The following DGLUCY variants were observed in gnomAD, a reference collection of about 807,000 sequenced individuals.
DGLUCY encodes the protein D-glutamate cyclase, also known as D-glutamate cyclase, mitochondrial.
In DGLUCY, 58 loss-of-function variants were observed where a neutral mutation model predicts 58.5. The ratio of observed to expected loss-of-function variants is 0.99; its 90% CI spans 0.80 to 1.23. The LOEUF is 1.23. DGLUCY is among the 50% of genes most tolerant of loss of function. The pLI is 0.00. For missense variants in DGLUCY, 779 were observed against 784.7 expected, an observed-to-expected ratio of 0.99 and a Z score of 0.09; for synonymous variants, 325 against 314.1, an observed-to-expected ratio of 1.03 and a Z score of -0.37.
At chr14:91,182,928 A>ATTTTATTTTATTTTATTTTATT (rs2049276167) in intron 8 of DGLUCY, among the ~76,000 whole-genome samples, 1 of 146,222 alleles carries the variant, frequency 6.8e-6, no homozygotes, top group African/African-American at 2.6e-5. Context: ...TTTATTTTTT[A>ATTTTATTTTATTTTATTTTATT]TTTTATTTTA....
chr14:91,111,200 A>ATGTGTGTGTGTGTGTGTGTGTG (rs1183383205), upstream of DGLUCY, among the ~76,000 whole-genome samples: 1 of 79,124 alleles, frequency 1.3e-5, no homozygotes, highest in African/African-American at 3.8e-5. Context: ...TTATTTATAT[A>ATGTGTGTGTGTGTGTGTGTGTG]TATGTGTGTG....
intron 4 of DGLUCY, 45 bp downstream of exon 4, chr14:91,167,423 G>T: frequency 6.2e-7 from 1 of 1,611,790 alleles, no homozygotes; most frequent in Non-Finnish European, 8.5e-7. Context: ...GGAGTGTCCA[G>T]GTGCTGTAGC....
At chr14:91,193,843 GA>G (rs76724762) in intron 9 of DGLUCY, among the ~76,000 whole-genome samples, 28,373 of 102,442 alleles carry the variant, frequency 0.28, 3,128 homozygotes, top group African/African-American at 0.39. Context: ...TTCCATCTTA[GA>G]AAAAAAAAAA....
chr14:91,074,310 A>AT (rs1225889333), intron 1 of DGLUCY, among the ~76,000 whole-genome samples: 2,232 of 137,626 alleles, frequency 0.016, 18 homozygotes, highest in Middle Eastern at 0.038. Flanking sequence ...AAAAAAAAAA[A>AT]AAATATATAT....
intron 1 of DGLUCY, among the ~76,000 whole-genome samples, chr14:91,154,047 G>A (rs1021088998): frequency 1.1e-4 from 17 of 152,016 alleles, no homozygotes; most frequent in African/African-American, 3.4e-4. Flanking sequence ...CTGGAATTAC[G>A]GGTGTGCACC....
chr14:91,180,169 C>T (rs1050417465), intron 7 of DGLUCY, among the ~76,000 whole-genome samples: 1 of 151,742 alleles, frequency 6.6e-6, no homozygotes, highest in Admixed American at 6.6e-5. Flanking sequence ...GGATTACAGC[C>T]GTGAGCCACT....
intron 1 of DGLUCY, among the ~76,000 whole-genome samples, chr14:91,085,743 A>G (rs951483368): frequency 1.3e-5 from 2 of 151,594 alleles, no homozygotes; most frequent in Non-Finnish European, 2.9e-5. Context: ...CTAATTTTGT[A>G]TTTTTAGTAG....
At chr14:91,065,419 T>G (rs2043803964) in intron 1 of DGLUCY, among the ~76,000 whole-genome samples, 1 of 152,088 alleles carries the variant, frequency 6.6e-6, no homozygotes. Flanking sequence ...CCTGGAAGAA[T>G]AGGATGGAGT....
chr14:91,143,490 A>G (rs1436615304), intron 1 of DGLUCY, among the ~76,000 whole-genome samples: 1 of 152,188 alleles, frequency 6.6e-6, no homozygotes, highest in Non-Finnish European at 1.5e-5. Flanking sequence ...GGTGTAATCT[A>G]AATACAACGG....
chr14:91,158,384 C>T (rs750067758), intron 2 of DGLUCY, among the ~76,000 whole-genome samples: 1 of 152,210 alleles, frequency 6.6e-6, no homozygotes, highest in African/African-American at 2.4e-5. Flanking sequence ...CACTTTGTTC[C>T]CACAGCTATT....
chr14:91,165,766 C>G (rs894635051), intron 3 of DGLUCY, among the ~76,000 whole-genome samples: 1 of 152,174 alleles, frequency 6.6e-6, no homozygotes, highest in African/African-American at 2.4e-5. Context: ...ACCACTGGTG[C>G]AAGTGTCAAT....
At chr14:91,157,740 C>G (rs988424168) in intron 2 of DGLUCY, 50 bp downstream of exon 2, 1 of 152,060 alleles carries the variant, frequency 6.6e-6, no homozygotes, top group Non-Finnish European at 1.5e-5. Context: ...GTGGGTGACA[C>G]TGGGGTGCCT....
chr14:91,116,176 TA>T (rs539712961), intron 1 of DGLUCY, among the ~76,000 whole-genome samples: 35 of 149,314 alleles, frequency 2.3e-4, no homozygotes, highest in Non-Finnish European at 3.6e-4. Context: ...GTATTTGCAT[TA>T]AAAAAAAAAG....
chr14:91,147,858 G>A (rs897218173), intron 1 of DGLUCY: 1 of 152,186 alleles, frequency 6.6e-6, no homozygotes, highest in Non-Finnish European at 1.5e-5. Flanking sequence ...ACCAACTGAA[G>A]GTAATTTTAT....
chr14:91,213,691 A>ATTTGTTTGTTTGT (rs112162790), intron 12 of DGLUCY, among the ~76,000 whole-genome samples: 1 of 150,094 alleles, frequency 6.7e-6, no homozygotes, highest in Non-Finnish European at 1.5e-5. Flanking sequence ...TTCACTGAAG[A>ATTTGTTTGTTTGT]TTGTTTGTTT....
At chr14:91,153,750 C>A (rs1048928606) in intron 1 of DGLUCY, among the ~76,000 whole-genome samples, 11 of 152,334 alleles carry the variant, frequency 7.2e-5, no homozygotes, top group African/African-American at 2.4e-4. Context: ...CTGCAAGGTT[C>A]TTTCCTATGT....
At position 91,220,581 on chromosome 14, in the gene DGLUCY, T is replaced by C. The variant is rs1367822641; in HGVS notation, c.1717-4103T>C. 3.5e-5 allele frequency: 16 copies of C among 456,228 alleles called. No homozygotes were observed. In the Admixed American group the frequency reaches 3.5e-4, roughly 10 times the overall value. The allele number at this position is 456,228 out of a possible 1,614,324, so 28.3% of individuals were successfully genotyped here. ...AGAGCTGGGGCCTCCAGATGCCATG[T>C]GGCGTCATGTGGGACTGTCTGTCTT... On this transcript the variant is annotated intron_variant, in intron 13 of 13. Transcript: ENST00000256324.
intron 1 of DGLUCY, among the ~76,000 whole-genome samples, chr14:91,115,419 C>T (rs143932734): frequency 5.9e-4 from 89 of 152,076 alleles, no homozygotes; most frequent in Middle Eastern, 6.8e-3. Flanking sequence ...TGAGGAAGCA[C>T]CTTTTTTTCC....
At position 91,170,169 on chromosome 14, in the gene DGLUCY, C is replaced by A; in HGVS notation, c.424C>A (p.Pro142Thr). The A allele has an allele frequency of 6.2e-7, 1 of 1,613,776 alleles. No individual in the cohort carries two copies. Among genetic ancestry groups the A allele is most frequent in the Non-Finnish European group, 8.5e-7 (1 of 1,180,012 alleles). Residue 142 changes from proline (P) to threonine (T), a missense_variant, in exon 5 of 14, where the codon CCA becomes ACA. Coordinates refer to ENST00000256324, the MANE Select transcript of DGLUCY (RefSeq NM_001102368.3). ...LEKAGLPRRD[P>T]AGHSQAGAYK... is the part of the protein sequence containing the mutation. ...GAAAGCGGGGCTCCCCAGAAGAGAC[C>A]CAGCAGGTCACAGCCAGGCGGGTGC... is the stretch of plus-strand genomic sequence containing the variant.
Sources: allele counts gnomAD v4.1 joint callset (sites outside exome capture counted in the v4.1 genomes callset), GRCh38; gene constraint gnomAD v4.1.1; transcripts MANE v1.5; gene names NCBI Gene and HGNC (gene_info 2026-07-23, HGNC 2026-07-21).